The following C7 variants were observed in gnomAD, a reference collection of about 807,000 sequenced individuals.
C7 encodes complement component C7.
C7 carries 83 observed loss-of-function variants against 104.8 expected under a neutral mutation model. That is an observed-to-expected ratio of 0.79 (90% CI 0.66 to 0.95). The LOEUF is 0.95. Ranked by LOEUF, C7 falls within the 40% of genes least tolerant of loss-of-function variation. C7 has a pLI of 0.00. For synonymous variants in C7, 415 were observed against 360.6 expected, an observed-to-expected ratio of 1.15 and a Z score of -1.71; for missense variants, 1,070 against 1,011.2, an observed-to-expected ratio of 1.06 and a Z score of -0.79.
chr5:40,918,791 A>G (rs1374790926), intron 1 of C7, among the ~76,000 whole-genome samples: 1 of 152,148 alleles, frequency 6.6e-6, no homozygotes, highest in Non-Finnish European at 1.5e-5. Context: ...GAACCTAAAT[A>G]TATAAAATAA....
chr5:40,928,175 C>A (rs1032053959), intron 1 of C7, among the ~76,000 whole-genome samples: 1 of 152,122 alleles, frequency 6.6e-6, no homozygotes, highest in Admixed American at 6.6e-5. Context: ...ACAAATAGCA[C>A]GTGTTCTCAC....
chr5:40,976,916 G>T, intron 16 of C7, 76 bp downstream of exon 16: 1 of 1,148,970 alleles, frequency 8.7e-7, no homozygotes, highest in South Asian at 1.5e-5. Context: ...AATAGTGTCT[G>T]TTGGATGGAA....
chr5:40,943,800 G>A (rs756913753), intron 6 of C7, among the ~76,000 whole-genome samples: 6 of 151,466 alleles, frequency 4.0e-5, no homozygotes, highest in Admixed American at 1.3e-4. Flanking sequence ...TGGAAATAAT[G>A]CTCTAATAAA....
chr5:40,964,633 G>A, intron 13 of C7, 108 bp from the exon 14 acceptor site: 1 of 938,818 alleles, frequency 1.1e-6, no homozygotes, highest in Non-Finnish European at 1.6e-6. Context: ...TCAATTAAAT[G>A]TAGCTTGCCT....
rs538190874 is a variant in C7 at position 40,982,072 on chromosome 5, C to G, written c.*499C>G. On this transcript the variant is annotated 3_prime_UTR_variant, in exon 18 of 18. Coordinates refer to ENST00000313164, the MANE Select transcript of C7 (RefSeq NM_000587.4). ...CTTGAACAAAAATGACAGATACAAA[C>G]TATTTCTATCCTGAGTAGTAATCTC... The G allele has an allele frequency of 6.5e-6, 1 of 152,854 alleles. No homozygotes were observed. The highest frequency in any genetic ancestry group is 2.4e-5 in the African/African-American group (1 of 41,568). The allele number at this position is 152,854 out of a possible 1,614,324, so 9.5% of individuals were successfully genotyped here.
At chr5:40,932,178 T>C (rs1291683992) in intron 3 of C7, among the ~76,000 whole-genome samples, 1 of 152,222 alleles carries the variant, frequency 6.6e-6, no homozygotes, top group East Asian at 1.9e-4. Flanking sequence ...TTTATCATAG[T>C]TTTGTATTCT....
chr5:40,960,551 A>T (rs1740400889), intron 12 of C7, among the ~76,000 whole-genome samples: 1 of 151,996 alleles, frequency 6.6e-6, no homozygotes, highest in Admixed American at 6.6e-5. Flanking sequence ...GTCTGGGAGG[A>T]GATCTCTGAG....
intron 1 of C7, among the ~76,000 whole-genome samples, chr5:40,915,672 A>G (rs115731326): frequency 1.1e-3 from 171 of 152,322 alleles, no homozygotes; most frequent in African/African-American, 4.0e-3. Context: ...AAGTATTCAT[A>G]GTCTCCCCCA....
At chr5:40,947,036 A>C (rs1398039788) in intron 7 of C7, among the ~76,000 whole-genome samples, 1 of 151,562 alleles carries the variant, frequency 6.6e-6, no homozygotes, top group Non-Finnish European at 1.5e-5. Context: ...TATTGAGAGA[A>C]GGGTCCTCAC....
At chr5:40,921,399 T>C (rs976004814) in intron 1 of C7, among the ~76,000 whole-genome samples, 5 of 152,040 alleles carry the variant, frequency 3.3e-5, no homozygotes, top group African/African-American at 1.2e-4. Flanking sequence ...GATCTACAGA[T>C]TCAATGTAAT....
intron 6 of C7, among the ~76,000 whole-genome samples, chr5:40,941,590 G>T (rs1271616676): frequency 2.0e-5 from 3 of 152,208 alleles, no homozygotes; most frequent in Non-Finnish European, 4.4e-5. Context: ...CCAACTGGGG[G>T]AAAGAACCTT....
chr5:40,945,201 AAAAT>A lies in C7; in HGVS notation c.578_581del (p.Asn193MetfsTer15). On this transcript the variant is annotated frameshift_variant, in exon 7 of 18. Coordinates refer to ENST00000313164, the MANE Select transcript of C7 (RefSeq NM_000587.4). LOFTEE classifies it high-confidence loss of function. ...AAATTTTTCATTTTCTTTGTAGGTGAAAATAAATAATGATTTTAATTATGAATTT... is the reference window on the plus strand; with the variant it reads ...AAATTTTTCATTTTCTTTGTAGGTGAAAATAATGATTTTAATTATGAATTT... 6.1e-6 allele frequency: 9 copies of A among 1,465,284 alleles called. No homozygotes were observed. The highest frequency in any genetic ancestry group is 8.3e-6 in the Non-Finnish European group (9 of 1,087,720). 90.8% of individuals were successfully genotyped at this position (1,465,284 alleles called of 1,614,324 possible).
chr5:40,979,882 G>C lies in C7; in HGVS notation c.2323G>C (p.Ala775Pro). The change falls in exon 17 of 18, where the codon GCC (alanine) becomes CCC (proline). Residue 775 changes from alanine to proline, a missense_variant. Transcript: ENST00000313164. ...LPASAEKACG[A>P]CPLWGKCDAE... is the part of the protein sequence containing the mutation. ...TGCCTCAGCTGAGAAAGCTTGTGGT[G>C]CCTGCCCACTGTGGGGAAAATGTGA... is the stretch of plus-strand genomic sequence containing the variant. 1 of 1,596,478 alleles carries C rather than the reference G, an allele frequency of 6.3e-7. No individual in the cohort carries two copies. The highest frequency in any genetic ancestry group is 2.2e-5 in the East Asian group (1 of 44,506).
chr5:40,963,580 C>T (rs1225345708), intron 13 of C7, among the ~76,000 whole-genome samples: 1 of 152,108 alleles, frequency 6.6e-6, no homozygotes, highest in Non-Finnish European at 1.5e-5. Flanking sequence ...ATCAGGAAAT[C>T]TTGTTCTAAT....
At chr5:40,952,363 C>T (rs1449298109) in intron 9 of C7, among the ~76,000 whole-genome samples, 1 of 152,098 alleles carries the variant, frequency 6.6e-6, no homozygotes, top group African/African-American at 2.4e-5. Flanking sequence ...TCTTGACTTG[C>T]ATTGGGCTGC....
intron 13 of C7, chr5:40,964,330 A>G (rs773460154): frequency 1.8e-5 from 3 of 167,706 alleles, no homozygotes; most frequent in Non-Finnish European, 3.8e-5. Flanking sequence ...GGCATGAGAC[A>G]CCATGCCCGG....
At chr5:40,979,971 A>G in intron 17 of C7, 62 bp downstream of exon 17, 1 of 1,421,894 alleles carries the variant, frequency 7.0e-7, no homozygotes, top group Non-Finnish European at 9.4e-7. Context: ...GAGGATTTAA[A>G]AAATGTGGTT....
chr5:40,928,915 G>C (rs929080170), intron 2 of C7, among the ~76,000 whole-genome samples: 1 of 152,108 alleles, frequency 6.6e-6, no homozygotes, highest in African/African-American at 2.4e-5. Context: ...CTGTAATGCA[G>C]ATAATCACAG....
Position 40,936,458 on chromosome 5 carries a change from C to G in C7, c.401C>G (p.Pro134Arg). ...RRPSCDIDKP[P>R]PNIELTGNGY... ...CCTTCCTGTGATATCGATAAACCTC[C>G]TCCTAACATAGAACTTACTGGAAAT... Residue 134 changes from proline to arginine, a missense_variant, in exon 5 of 18, where the codon CCT becomes CGT. Pro to Arg is a moderately radical substitution (Grantham distance 103, BLOSUM62 -2). Transcript: ENST00000313164. The G allele has an allele frequency of 6.2e-7, 1 of 1,613,224 alleles. No individual in the cohort carries two copies. Among genetic ancestry groups the G allele is most frequent in the African/African-American group, 1.3e-5 (1 of 75,008 alleles).
Sources: allele counts gnomAD v4.1 joint callset (sites outside exome capture counted in the v4.1 genomes callset), GRCh38; gene constraint gnomAD v4.1.1; transcripts MANE v1.5; gene names NCBI Gene and HGNC (gene_info 2026-07-23, HGNC 2026-07-21).